The following RNF175 variants were observed in gnomAD, a reference collection of about 807,000 sequenced individuals.
RNF175 encodes ring finger protein 175.
RNF175 carries 38 observed loss-of-function variants against 50.0 expected under a neutral mutation model. That is an observed-to-expected ratio of 0.76 (90% CI 0.59 to 1.00). The LOEUF (loss-of-function observed/expected upper bound fraction) is 1.00, where lower values mean the gene tolerates loss of function less well. Among genes scored for constraint, RNF175 ranks in the 50% least tolerant of loss-of-function variants. The pLI is 0.00. For missense variants in RNF175, 388 were observed against 409.6 expected (o/e 0.95, Z 0.46); for synonymous variants, 155 against 146.1 (o/e 1.06, Z -0.44).
chr4:153,728,937 T>C (rs1309491863), intron 3 of RNF175, among the ~76,000 whole-genome samples: 1 of 152,184 alleles, frequency 6.6e-6, no homozygotes, highest in Non-Finnish European at 1.5e-5. Flanking sequence ...TTCCTGTTCG[T>C]TTGGTGCATA....
At chr4:153,721,937 G>T (rs1216806112) in intron 5 of RNF175, among the ~76,000 whole-genome samples, 2 of 152,162 alleles carry the variant, frequency 1.3e-5, no homozygotes, top group Non-Finnish European at 2.9e-5. Context: ...AAAATGTTAG[G>T]TGCTCCTGCT....
chr4:153,749,640 T>C (rs191347665), intron 2 of RNF175, among the ~76,000 whole-genome samples: 2 of 152,346 alleles, frequency 1.3e-5, no homozygotes, highest in East Asian at 3.9e-4. Context: ...TCATCTCTTT[T>C]AACGTTCTGG....
At chr4:153,714,727 TGA>T (rs1479727778) in intron 7 of RNF175, 1 of 152,314 alleles carries the variant, frequency 6.6e-6, no homozygotes, top group Non-Finnish European at 1.5e-5. Flanking sequence ...CAACACAGGT[TGA>T]TTTGTTCAGG....
intron 8 of RNF175, among the ~76,000 whole-genome samples, chr4:153,711,899 C>G (rs565889886): frequency 2.0e-5 from 3 of 152,196 alleles, no homozygotes; most frequent in East Asian, 1.9e-4. Context: ...CTCTGTAAAT[C>G]TTTATTTATT....
rs1362943952 is a variant in RNF175, at chr4:153,710,344, T to G, written c.*25A>C. 1.3e-6 allele frequency: 2 copies of G among 1,536,036 alleles called. No individual in the cohort carries two copies. Among genetic ancestry groups the G allele is most frequent in the East Asian group, 4.9e-5 (2 of 40,664 alleles). On this transcript the variant is annotated 3_prime_UTR_variant, in exon 9 of 9. Coordinates refer to ENST00000347063, the MANE Select transcript of RNF175 (RefSeq NM_173662.4). ...TGGACCAAGGATTTCAACCATGCAGTATGTTGCTTCTGGGGTCTGCTGTCC... is the reference window on the plus strand; with the variant it reads ...TGGACCAAGGATTTCAACCATGCAGGATGTTGCTTCTGGGGTCTGCTGTCC...
At chr4:153,747,941 C>T (rs1018830726) in intron 3 of RNF175, among the ~76,000 whole-genome samples, 2 of 152,236 alleles carry the variant, frequency 1.3e-5, no homozygotes, top group Non-Finnish European at 2.9e-5. Context: ...GAGGGATTTG[C>T]ATCTTGCAAG....
chr4:153,749,362 G>T (rs1041566230), intron 2 of RNF175, among the ~76,000 whole-genome samples: 1 of 152,206 alleles, frequency 6.6e-6, no homozygotes, highest in African/African-American at 2.4e-5. Context: ...ACAGTCAAAC[G>T]TTGGTAATTT....
intron 6 of RNF175, among the ~76,000 whole-genome samples, chr4:153,719,653 T>TAAC (rs1322557564): frequency 6.6e-6 from 1 of 152,214 alleles, no homozygotes; most frequent in East Asian, 1.9e-4. Context: ...AAATTCTAGG[T>TAAC]AACAGTATAG....
intron 1 of RNF175, among the ~76,000 whole-genome samples, chr4:153,752,129 G>C (rs1361820473): frequency 6.6e-6 from 1 of 152,196 alleles, no homozygotes; most frequent in Admixed American, 6.5e-5. Flanking sequence ...ACCTTTTCTA[G>C]ATTATTGCTA....
intron 1 of RNF175, among the ~76,000 whole-genome samples, chr4:153,752,244 T>A (rs1740331285): frequency 6.6e-6 from 1 of 152,216 alleles, no homozygotes; most frequent in Non-Finnish European, 1.5e-5. Flanking sequence ...ACCAATGTTT[T>A]TGCCCCCAAA....
At chr4:153,724,004 C>T (rs1402080289) in intron 4 of RNF175, among the ~76,000 whole-genome samples, 2 of 152,204 alleles carry the variant, frequency 1.3e-5, no homozygotes, top group African/African-American at 4.8e-5. Context: ...AGAGCCCTCC[C>T]CTAGCCCAGG....
chr4:153,731,728 A>T (rs939863075), intron 3 of RNF175, among the ~76,000 whole-genome samples: 5 of 152,066 alleles, frequency 3.3e-5, no homozygotes, highest in African/African-American at 7.2e-5. Context: ...AAAAAAGAAA[A>T]AAATAAATAA....
intron 3 of RNF175, among the ~76,000 whole-genome samples, chr4:153,735,423 T>C: frequency 6.6e-6 from 1 of 152,240 alleles, no homozygotes; most frequent in Non-Finnish European, 1.5e-5. Context: ...GCTATATTTA[T>C]TACTGTAGCT....
At chr4:153,718,230 G>GTTTTTTTTTTTT (rs1272804247) in intron 6 of RNF175, among the ~76,000 whole-genome samples, 12 of 31,862 alleles carry the variant, frequency 3.8e-4, no homozygotes, top group East Asian at 1.6e-3. Context: ...TTGTTTGTTT[G>GTTTTTTTTTTTT]TTTGTTTGTT....
intron 6 of RNF175, among the ~76,000 whole-genome samples, chr4:153,717,622 C>T (rs985346954): frequency 1.3e-5 from 2 of 152,014 alleles, no homozygotes; most frequent in Non-Finnish European, 2.9e-5. Context: ...ATTACAATTA[C>T]AGAATACATG....
chr4:153,712,529 T>C lies in RNF175; in HGVS notation c.812A>G (p.Gln271Arg). The C allele has an allele frequency of 6.2e-7, 1 of 1,613,460 alleles. No individual in the cohort carries two copies. The highest frequency in any genetic ancestry group is 8.5e-7 in the Non-Finnish European group (1 of 1,179,546). ...TTTCTCTTTGCAGTAAGGGCAAGTC[T>C]GCTTTTTCCCAACGATACACCAACC... ...IRGWCIVGKK[Q>R]TCPYCKEKVD... Residue 271 changes from glutamine to arginine, a missense_variant, in exon 8 of 9, where the codon CAG becomes CGG. By Grantham distance (43) the Gln-to-Arg change is conservative. Coordinates refer to ENST00000347063, the MANE Select transcript of RNF175 (RefSeq NM_173662.4).
At chr4:153,710,925 T>A (rs1335246213) in intron 8 of RNF175, among the ~76,000 whole-genome samples, 1 of 152,228 alleles carries the variant, frequency 6.6e-6, no homozygotes, top group Non-Finnish European at 1.5e-5. Context: ...AGAGACCTTT[T>A]TCTGCTGTCT....
In RNF175 at chr4:153,710,330, T is replaced by C. The variant is rs1397890994; in HGVS notation, c.*39A>G. 7 of 1,488,462 alleles carry C rather than the reference T, an allele frequency of 4.7e-6. No individual in the cohort carries two copies. In the African/African-American group the frequency reaches 8.4e-5, roughly 18 times the overall value. 92.2% of individuals were successfully genotyped at this position (1,488,462 alleles called of 1,614,324 possible). ...TTAATATTAAATGTTGGACCAAGGA[T>C]TTCAACCATGCAGTATGTTGCTTCT... On this transcript the variant is annotated 3_prime_UTR_variant, in exon 9 of 9. Coordinates refer to ENST00000347063, the MANE Select transcript of RNF175 (RefSeq NM_173662.4).
Position 153,739,297 on chromosome 4 carries a change from TG to T in RNF175, c.246+9347del, listed in dbSNP as rs1739521276. On this transcript the variant is annotated intron_variant, in intron 3 of 8. Coordinates refer to ENST00000347063, the MANE Select transcript of RNF175 (RefSeq NM_173662.4). ...TTAGCTGGGTGTTGGGGCAGGCACC[TG>T]TAATCCCAGCTACTCGGGAGGCTGA... 4.6e-5 allele frequency among the ~76,000 whole-genome samples: 7 copies of T among 152,164 alleles called. No homozygotes were observed. In the South Asian group the frequency reaches 1.5e-3, roughly 32 times the overall value.
Sources: gnomAD v4.1 joint callset for allele counts (sites outside exome capture counted in the v4.1 genomes callset) on GRCh38, gnomAD v4.1.1 for gene constraint, MANE v1.5 for transcripts, NCBI Gene and HGNC (gene_info 2026-07-23, HGNC 2026-07-21) for gene names.